MALAT1: variants seen among roughly 807,000 people sequenced by gnomAD.
MALAT1 encodes the protein hepcarcin.
At chr11:65,498,046 C>T (rs747984376) in intron 1 of MALAT1, 29 of 518,928 alleles carry the variant, frequency 5.6e-5, no homozygotes, top group East Asian at 4.9e-4. Flanking sequence ...TTTTATTTTT[C>T]TTCCTGCTCC....
chr11:65,498,126 AAAG>A (rs753419131), intron 1 of MALAT1: 2 of 518,792 alleles, frequency 3.9e-6, no homozygotes, highest in African/African-American at 3.9e-5. Context: ...AACCCCTAAA[AAAG>A]CAGACCCAGA....
chr11:65,499,069 G>A (rs763483101), exon 3 of MALAT1: 1 of 518,164 alleles, frequency 1.9e-6, no homozygotes, highest in Non-Finnish European at 3.9e-6. Flanking sequence ...CCAGCGCAGG[G>A]GCTTCTGCTG....
chr11:65,498,462 G>A (rs1418443630), intron 1 of MALAT1: 3 of 518,480 alleles, frequency 5.8e-6, no homozygotes, highest in African/African-American at 3.9e-5. Context: ...GGGTTTTCAC[G>A]TTTCTAAGAT....
intron 3 of MALAT1, chr11:65,506,218 C>T (rs752504390): frequency 2.0e-5 from 9 of 454,720 alleles, no homozygotes; most frequent in Admixed American, 1.7e-4. Flanking sequence ...TTCTGTATTT[C>T]TCCTTTTCTC....
exon 3 of MALAT1, chr11:65,502,310 AACT>A (rs780430312): frequency 1.9e-6 from 1 of 516,972 alleles, no homozygotes; most frequent in African/African-American, 1.9e-5. Flanking sequence ...AATAATTTAA[AACT>A]ACTATAGAAA....
intron 3 of MALAT1, chr11:65,504,425 T>C (rs1274079505): frequency 1.9e-6 from 1 of 518,864 alleles, no homozygotes; most frequent in Non-Finnish European, 3.8e-6. Context: ...GAATGCATTG[T>C]GAAACGACTG....
At chr11:65,503,165 C>T in exon 3 of MALAT1, 1 of 510,680 alleles carries the variant, frequency 2.0e-6, no homozygotes, top group Non-Finnish European at 3.9e-6. Context: ...CATCTGGGAG[C>T]AGAAAACAGC....
At chr11:65,502,628 T>G (rs1236404226) in exon 3 of MALAT1, 2 of 479,922 alleles carry the variant, frequency 4.2e-6, no homozygotes, top group Non-Finnish European at 8.0e-6. Flanking sequence ...ACTTTTTTTT[T>G]TTCTATAGAC....
exon 3 of MALAT1, chr11:65,499,261 A>C (rs558314021): frequency 1.9e-6 from 1 of 513,638 alleles, no homozygotes; most frequent in South Asian, 1.4e-5. Context: ...TTAGAAGAGT[A>C]GCATGAGGAA....
At chr11:65,499,610 A>C in exon 3 of MALAT1, 1 of 450,724 alleles carries the variant, frequency 2.2e-6, no homozygotes, top group Admixed American at 2.4e-5. Flanking sequence ...TGGAAAGATT[A>C]ATTGGGAGTG....
At chr11:65,498,369 A>T (rs769533120) in intron 1 of MALAT1, 1 of 518,288 alleles carries the variant, frequency 1.9e-6, no homozygotes, top group Non-Finnish European at 3.8e-6. Flanking sequence ...CGCAGATCAG[A>T]GTGGGCCACT....
chr11:65,497,871 T>C (rs776543499), intron 1 of MALAT1: 1 of 518,366 alleles, frequency 1.9e-6, no homozygotes, highest in South Asian at 1.4e-5. Flanking sequence ...TGAAGGCAGG[T>C]CCCCTCTGAC....
exon 3 of MALAT1, chr11:65,499,801 A>C (rs758955792): frequency 1.3e-4 from 56 of 421,738 alleles, no homozygotes; most frequent in Non-Finnish European, 2.2e-4. Context: ...AAGACAAGCT[A>C]GGAAACAAAA....
chr11:65,498,837 C>T (rs747285244), intron 2 of MALAT1: 4 of 518,618 alleles, frequency 7.7e-6, no homozygotes, highest in Non-Finnish European at 1.5e-5. Context: ...AATCTTTCCA[C>T]ACGCTAGTAA....
At chr11:65,499,115 G>A (rs1565673962) in exon 3 of MALAT1, 2 of 517,964 alleles carry the variant, frequency 3.9e-6, no homozygotes, top group Non-Finnish European at 7.7e-6. Context: ...CCGCAGATAA[G>A]TTTTTTTCTC....
rs748566844 is a variant in MALAT1, at chr11:65,498,704, C to T, written n.201C>T. 8 of 518,528 alleles carry T rather than the reference C, an allele frequency of 1.5e-5. No individual in the cohort carries two copies. In the East Asian group the frequency reaches 2.7e-4, roughly 18 times the overall value. The allele number at this position is 518,528 out of a possible 1,614,324, so 32.1% of individuals were successfully genotyped here. Reference sequence around the variant, plus strand: ...AAGGTGGTAAACTATACCTACTGTCCCTCAAGAGAACACAAGAAGTGCTTT... The same window carrying T: ...AAGGTGGTAAACTATACCTACTGTCTCTCAAGAGAACACAAGAAGTGCTTT... On this transcript the variant is annotated non_coding_transcript_exon_variant, in exon 2 of 4. Coordinates refer to ENST00000619449, the Ensembl canonical transcript of MALAT1.
exon 3 of MALAT1, chr11:65,501,125 G>C: frequency 1.9e-6 from 1 of 514,650 alleles, no homozygotes; most frequent in South Asian, 1.4e-5. Flanking sequence ...AAGTATTTCA[G>C]TTTTGTGAAT....
exon 3 of MALAT1, chr11:65,502,820 G>A (rs1380485619): frequency 2.0e-6 from 1 of 508,786 alleles, no homozygotes; most frequent in Non-Finnish European, 3.9e-6. Flanking sequence ...ATCTGCATAT[G>A]CCAAAAAATT....
At chr11:65,499,837 A>C (rs1034178314) in exon 3 of MALAT1, 1 of 422,466 alleles carries the variant, frequency 2.4e-6, no homozygotes, top group African/African-American at 2.1e-5. Flanking sequence ...GTACAAACTT[A>C]GAAGAAAATT....
Sources: gnomAD v4.1 joint callset for allele counts on GRCh38, gnomAD v4.1.1 for gene constraint, MANE v1.5 for transcripts, NCBI Gene and HGNC (gene_info 2026-07-23, HGNC 2026-07-21) for gene names.